SHTN1: variants seen among roughly 807,000 people sequenced by gnomAD.
SHTN1 encodes shootin 1, also known as shootin-1.
In SHTN1, 42 loss-of-function variants were observed where a neutral mutation model predicts 83.1. That is an observed-to-expected ratio of 0.51 (90% CI 0.39 to 0.65). The LOEUF (loss-of-function observed/expected upper bound fraction) is 0.65. Ranked by LOEUF, SHTN1 falls within the 30% of genes least tolerant of loss-of-function variation. SHTN1 has a pLI of 0.00. For missense variants in SHTN1, 622 were observed against 737.8 expected, an observed-to-expected ratio of 0.84 and a Z score of 1.82; for synonymous variants, 224 against 247.7, an observed-to-expected ratio of 0.90 and a Z score of 0.90.
chr10:116,930,132 C>T, intron 9 of SHTN1, 130 bp from the exon 10 acceptor site: 1 of 544,308 alleles, frequency 1.8e-6, no homozygotes, highest in South Asian at 3.5e-5. Context: ...TCCATCTTAA[C>T]AACCATGCAA....
At chr10:116,908,776 C>G (rs1298454876) in intron 14 of SHTN1, among the ~76,000 whole-genome samples, 2 of 152,160 alleles carry the variant, frequency 1.3e-5, no homozygotes, top group African/African-American at 2.4e-5. Flanking sequence ...TGGATAATGG[C>G]ATTATTTCCT....
At chr10:116,950,719 A>C (rs1849746694) in intron 6 of SHTN1, among the ~76,000 whole-genome samples, 1 of 152,168 alleles carries the variant, frequency 6.6e-6, no homozygotes, top group Non-Finnish European at 1.5e-5. Context: ...TTTGGTTTAA[A>C]TTAGTAACTG....
intron 13 of SHTN1, among the ~76,000 whole-genome samples, chr10:116,913,296 A>G (rs1009308079): frequency 1.3e-5 from 2 of 152,222 alleles, no homozygotes; most frequent in Non-Finnish European, 2.9e-5. Flanking sequence ...CATTTCAGGA[A>G]AGCCCTGATG....
chr10:116,883,149 A>G lies in SHTN1; in HGVS notation c.*3195T>C, dbSNP rs1847069349. ...TAACCAGGTCAGCAGTGTGACTTCA[A>G]CACAGAGCAGTTTACTCACCTATCC... On this transcript the variant is annotated 3_prime_UTR_variant, in exon 17 of 17. Coordinates refer to ENST00000355371, the MANE Select transcript of SHTN1 (RefSeq NM_001127211.3). 1 of 152,196 alleles carries G rather than the reference A, an allele frequency of 6.6e-6. No homozygotes were observed. The highest frequency in any genetic ancestry group is 2.4e-5 in the African/African-American group (1 of 41,442). 9.4% of individuals were successfully genotyped at this position (152,196 alleles called of 1,614,324 possible).
In SHTN1 at chr10:116,913,050, G is replaced by GCAC. The variant is rs569433136; in HGVS notation, c.1306-1210_1306-1208dup. Among the ~76,000 whole-genome samples, 386 of 151,652 alleles carry GCAC rather than the reference G, an allele frequency of 2.5e-3. 1 individual carries two copies. Among genetic ancestry groups the GCAC allele is most frequent in the Non-Finnish European group, 2.0e-3 (135 of 67,810 alleles). On this transcript the variant is annotated intron_variant, in intron 13 of 16. Coordinates refer to ENST00000355371, the MANE Select transcript of SHTN1 (RefSeq NM_001127211.3). ...TAAGACACTAATTTGAACCACACTA[G>GCAC]CACCACCACCACCACCACCACCACT...
At chr10:117,001,723 G>A (rs192388038) in intron 1 of SHTN1, among the ~76,000 whole-genome samples, 50 of 152,264 alleles carry the variant, frequency 3.3e-4, no homozygotes, top group African/African-American at 1.2e-3. Context: ...TTTCAAAAGA[G>A]ATAGAAGAGA....
chr10:116,947,652 G>A (rs1219610794), intron 7 of SHTN1, among the ~76,000 whole-genome samples: 2 of 152,126 alleles, frequency 1.3e-5, no homozygotes, highest in Non-Finnish European at 2.9e-5. Flanking sequence ...TCTATGTCCA[G>A]AACACTATAA....
intron 7 of SHTN1, among the ~76,000 whole-genome samples, chr10:116,947,281 A>G (rs1849630306): frequency 2.6e-5 from 4 of 152,194 alleles, no homozygotes; most frequent in South Asian, 2.1e-4. Context: ...CAGACAGCAC[A>G]CTGTCCATCC....
chr10:116,973,369 A>C (rs933293802), intron 2 of SHTN1, among the ~76,000 whole-genome samples: 5 of 152,300 alleles, frequency 3.3e-5, no homozygotes, highest in African/African-American at 1.2e-4. Context: ...GCATATATGC[A>C]CTGCATATGC....
chr10:116,973,110 C>T (rs1183166653), intron 2 of SHTN1, among the ~76,000 whole-genome samples: 3 of 152,166 alleles, frequency 2.0e-5, no homozygotes, highest in Non-Finnish European at 2.9e-5. Context: ...CCCTCTCTCA[C>T]GTATTCATCC....
intron 1 of SHTN1, among the ~76,000 whole-genome samples, chr10:117,088,179 C>T (rs1243639136): frequency 6.6e-6 from 1 of 152,182 alleles, no homozygotes. Context: ...CTTTACCCCA[C>T]GGAATGTACT....
chr10:117,110,108 T>C (rs1564962501), intron 1 of SHTN1, among the ~76,000 whole-genome samples: 2 of 152,172 alleles, frequency 1.3e-5, no homozygotes, highest in African/African-American at 4.8e-5. Flanking sequence ...ATAACATCTC[T>C]CATATCCCTC....
At chr10:116,911,528 A>G (rs778012438) in intron 14 of SHTN1, 73 of 1,550,476 alleles carry the variant, frequency 4.7e-5, no homozygotes, top group Non-Finnish European at 6.4e-5. Flanking sequence ...TGATGCCAGG[A>G]TTGGAGGGCA....
intron 2 of SHTN1, among the ~76,000 whole-genome samples, chr10:117,027,254 C>G (rs1852345573): frequency 6.6e-6 from 1 of 152,048 alleles, no homozygotes; most frequent in Non-Finnish European, 1.5e-5. Flanking sequence ...TAGTTTAGCA[C>G]CATCCCTTTG....
intron 2 of SHTN1, among the ~76,000 whole-genome samples, chr10:117,011,219 C>T (rs1013450905): frequency 6.6e-6 from 1 of 152,144 alleles, no homozygotes; most frequent in Non-Finnish European, 1.5e-5. Flanking sequence ...GTAGTTTTAG[C>T]TGAATTTAGC....
chr10:117,114,550 A>G (rs1202642866), intron 1 of SHTN1, among the ~76,000 whole-genome samples: 2 of 152,054 alleles, frequency 1.3e-5, no homozygotes, highest in African/African-American at 4.8e-5. Flanking sequence ...TCTCCCTCCT[A>G]CTATGGCCTC....
chr10:117,110,332 A>G (rs1853746933), intron 1 of SHTN1, among the ~76,000 whole-genome samples: 1 of 151,990 alleles, frequency 6.6e-6, no homozygotes, highest in Non-Finnish European at 1.5e-5. Context: ...TTCAACTTGA[A>G]TTGTTTTGTT....
chr10:117,002,329 C>T (rs1027316280), intron 1 of SHTN1, among the ~76,000 whole-genome samples: 5 of 152,102 alleles, frequency 3.3e-5, no homozygotes, highest in African/African-American at 4.8e-5. Flanking sequence ...TATTTACACC[C>T]CTAGTGCCTA....
chr10:116,905,076 C>T (rs956214879), intron 15 of SHTN1, among the ~76,000 whole-genome samples: 7 of 151,672 alleles, frequency 4.6e-5, no homozygotes, highest in African/African-American at 1.7e-4. Context: ...TGGCGGGCGC[C>T]TGTAGTCCCA....
Sources: gnomAD v4.1 joint callset for allele counts (sites outside exome capture counted in the v4.1 genomes callset) on GRCh38, gnomAD v4.1.1 for gene constraint, MANE v1.5 for transcripts, NCBI Gene and HGNC (gene_info 2026-07-23, HGNC 2026-07-21) for gene names.